PTPRN2: variants seen among roughly 807,000 people sequenced by gnomAD.
PTPRN2 encodes receptor-type tyrosine-protein phosphatase N2.
Under a neutral mutation model 118.8 loss-of-function variants are expected in PTPRN2, and 74 were observed. The observed-to-expected ratio is 0.62, with a 90% CI of 0.52 to 0.76. PTPRN2 has a LOEUF of 0.76. Among genes scored for constraint, PTPRN2 ranks in the 30% least tolerant of loss-of-function variants. The pLI, the probability that PTPRN2 is intolerant of heterozygous loss-of-function variation, is 0.00. For missense variants in PTPRN2, 1,481 were observed against 1,394.4 expected (o/e 1.06, Z -0.99); for synonymous variants, 641 against 608.0 (o/e 1.05, Z -0.80).
intron 11 of PTPRN2, among the ~76,000 whole-genome samples, chr7:158,004,003 C>T (rs1435375944): frequency 6.6e-6 from 1 of 152,196 alleles, no homozygotes. Context: ...TTTCATTTCA[C>T]TGAGTTCCAG....
rs974746961 is a variant in PTPRN2 at position 157,598,338 on chromosome 7, C to T, written c.2419-3023G>A. 2.6e-5 allele frequency among the ~76,000 whole-genome samples: 4 copies of T among 152,174 alleles called. No homozygotes were observed. The highest frequency in any genetic ancestry group is 1.9e-4 in the East Asian group (1 of 5,192). On this transcript the variant is annotated intron_variant, in intron 16 of 22. Transcript: ENST00000389418. This position sits in a 1 kb window ranked among gnomAD's most constrained non-coding sequence, Gnocchi z 5.2. ...TGTTATGTTCCCGACACAAACTGCC[C>T]GGCTGTGGGAAAAGGCCTGTCATAT...
chr7:158,012,536 G>A (rs777588741), intron 11 of PTPRN2, among the ~76,000 whole-genome samples: 17 of 152,220 alleles, frequency 1.1e-4, no homozygotes, highest in Admixed American at 5.2e-4. Context: ...ACGGAGGCAT[G>A]GGCAGTGGCC....
intron 2 of PTPRN2, among the ~76,000 whole-genome samples, chr7:158,386,936 G>A (rs1375610396): frequency 2.6e-5 from 4 of 152,170 alleles, no homozygotes; most frequent in African/African-American, 4.8e-5. Context: ...TGATGAACAC[G>A]ACTCCACACG....
In PTPRN2 at chr7:157,974,611, C is replaced by T. The variant is rs369688434; in HGVS notation, c.1724-75874G>A. 2.6e-5 allele frequency among the ~76,000 whole-genome samples: 3 copies of T among 116,988 alleles called. No homozygotes were observed. Among genetic ancestry groups the T allele is most frequent in the African/African-American group, 9.8e-5 (3 of 30,768 alleles). The allele number at this position is 116,988 out of a possible 152,430, so 76.7% of individuals were successfully genotyped here. ...GGGTGGGTGGGACCTCAGACCTCAG[C>T]GGGTGATGGCAGTGGGAGCCTGGGC... On this transcript the variant is annotated intron_variant, in intron 11 of 22. Coordinates refer to ENST00000389418, the MANE Select transcript of PTPRN2 (RefSeq NM_002847.5). This position sits in a 1 kb window ranked among gnomAD's most constrained non-coding sequence, Gnocchi z 4.0.
At position 157,870,851 on chromosome 7, in the gene PTPRN2, G is replaced by A. The variant is rs115244197; in HGVS notation, c.1788+27822C>T. 9.3e-4 allele frequency among the ~76,000 whole-genome samples: 142 copies of A among 152,368 alleles called. 1 individual carries two copies. The highest frequency in any genetic ancestry group is 6.2e-3 in the East Asian group (32 of 5,192). On this transcript the variant is annotated intron_variant, in intron 12 of 22. Coordinates refer to ENST00000389418, the MANE Select transcript of PTPRN2 (RefSeq NM_002847.5). ...TGATCCCCCAGAGCACCTGGGTTGCGTAAGGGGCTGCACACCACAGTCATC... is the reference window on the plus strand; with the variant it reads ...TGATCCCCCAGAGCACCTGGGTTGCATAAGGGGCTGCACACCACAGTCATC...
At chr7:157,886,994 G>A (rs975313972) in intron 12 of PTPRN2, among the ~76,000 whole-genome samples, 2 of 151,906 alleles carry the variant, frequency 1.3e-5, no homozygotes, top group South Asian at 2.1e-4. Context: ...TGGGGCCTTC[G>A]AGGTCCTTGT....
At chr7:158,314,057 G>A (rs1802091073) in intron 3 of PTPRN2, among the ~76,000 whole-genome samples, 2 of 152,154 alleles carry the variant, frequency 1.3e-5, no homozygotes, top group Admixed American at 6.5e-5. Flanking sequence ...AGGGAGCTCA[G>A]GTGAACTCCG....
chr7:158,405,658 G>A (rs1813347603), intron 2 of PTPRN2, among the ~76,000 whole-genome samples: 1 of 152,256 alleles, frequency 6.6e-6, no homozygotes, highest in African/African-American at 2.4e-5. Flanking sequence ...ATCCAACCAA[G>A]ATCCGGCCCT....
At chr7:157,991,801 C>T (rs1442087765) in intron 11 of PTPRN2, among the ~76,000 whole-genome samples, 1 of 151,592 alleles carries the variant, frequency 6.6e-6, no homozygotes, top group Non-Finnish European at 1.5e-5. Context: ...ATTAGACCCT[C>T]CCAGAAGTGA....
intron 11 of PTPRN2, among the ~76,000 whole-genome samples, chr7:158,054,377 C>T (rs1419753308): frequency 1.3e-5 from 2 of 152,208 alleles, no homozygotes; most frequent in Non-Finnish European, 2.9e-5. Context: ...AGAAAGGCCA[C>T]ACCCTTTCTG....
intron 6 of PTPRN2, among the ~76,000 whole-genome samples, chr7:158,138,891 C>A (rs916253185): frequency 6.6e-6 from 1 of 152,154 alleles, no homozygotes; most frequent in Non-Finnish European, 1.5e-5. Flanking sequence ...TGAGCTGTGT[C>A]CCCCTCACTT....
chr7:158,407,291 G>C (rs13309529), intron 2 of PTPRN2, among the ~76,000 whole-genome samples: 1,076 of 43,660 alleles, frequency 0.025, 27 homozygotes, highest in South Asian at 0.032. Context: ...CTGGGTCCTG[G>C]GTCCTGCGTC....
intron 10 of PTPRN2, among the ~76,000 whole-genome samples, chr7:158,096,583 C>T (rs1254135087): frequency 1.3e-5 from 2 of 152,168 alleles, no homozygotes; most frequent in Non-Finnish European, 2.9e-5. Context: ...CGTACTGTGA[C>T]ATTTCCTTGA....
chr7:158,410,301 T>C (rs1024973208), intron 2 of PTPRN2, among the ~76,000 whole-genome samples: 2 of 152,138 alleles, frequency 1.3e-5, no homozygotes, highest in Non-Finnish European at 2.9e-5. Flanking sequence ...ACAGCTGTCA[T>C]CCCGAAGGCA....
chr7:158,331,534 G>A (rs56083800), intron 2 of PTPRN2, among the ~76,000 whole-genome samples: 3 of 72,436 alleles, frequency 4.1e-5, no homozygotes, highest in Non-Finnish European at 8.3e-5. Flanking sequence ...CACCCACACT[G>A]TCACCATAAG....
intron 3 of PTPRN2, among the ~76,000 whole-genome samples, chr7:158,225,567 A>G (rs1828704664): frequency 6.6e-6 from 1 of 152,228 alleles, no homozygotes; most frequent in South Asian, 2.1e-4. Context: ...CACAGCACCC[A>G]TCTTCCTCAA....
chr7:158,308,383 C>T (rs1227928545), intron 3 of PTPRN2, among the ~76,000 whole-genome samples: 1 of 152,138 alleles, frequency 6.6e-6, no homozygotes, highest in African/African-American at 2.4e-5. Context: ...GGACATTAGA[C>T]AGTGAGTTGT....
chr7:157,563,632 A>ACGCTCGAGGCAGCAGGC (rs2150499058), intron 21 of PTPRN2, among the ~76,000 whole-genome samples: 1 of 112,098 alleles, frequency 8.9e-6, no homozygotes, highest in Non-Finnish European at 1.8e-5. Flanking sequence ...GTGCTCCCAC[A>ACGCTCGAGGCAGCAGGC]TCACCACACA....
chr7:158,318,421 C>T (rs1330495657), intron 2 of PTPRN2, among the ~76,000 whole-genome samples: 1 of 152,232 alleles, frequency 6.6e-6, no homozygotes, highest in African/African-American at 2.4e-5. Flanking sequence ...CTCCCGTGCT[C>T]ACAATGCAGA....
Sources: allele counts gnomAD v4.1 joint callset (sites outside exome capture counted in the v4.1 genomes callset), GRCh38; gene constraint gnomAD v4.1.1; non-coding constraint Gnocchi (gnomAD v3.1); transcripts MANE v1.5; gene names NCBI Gene and HGNC (gene_info 2026-07-23, HGNC 2026-07-21).